NEK10: variants seen among roughly 807,000 people sequenced by gnomAD.
The protein encoded by NEK10 is serine/threonine-protein kinase Nek10.
In NEK10, 122 loss-of-function variants were observed where a neutral mutation model predicts 159.8. The ratio of observed to expected loss-of-function variants is 0.76; its 90% CI spans 0.66 to 0.89. NEK10 has a LOEUF of 0.89. Among genes scored for constraint, NEK10 ranks in the 40% least tolerant of loss-of-function variants. The pLI is 0.00. For missense variants in NEK10, 1,342 were observed against 1,323.1 expected, an observed-to-expected ratio of 1.01 and a Z score of -0.22; for synonymous variants, 466 against 457.1, an observed-to-expected ratio of 1.02 and a Z score of -0.25.
chr3:27,156,069 A>G lies in NEK10; in HGVS notation c.2869+6632T>C. Among the ~76,000 whole-genome samples the G allele has an allele frequency of 1.3e-5, 2 of 152,162 alleles. 1 individual carries two copies. The highest frequency in any genetic ancestry group is 4.1e-4 in the South Asian group (2 of 4,828). On this transcript the variant is annotated intron_variant, in intron 30 of 35. Coordinates refer to ENST00000691995, the MANE Select transcript of NEK10 (RefSeq NM_001394966.1). ...ACCCTTTTCAACAAATGGTGCTGGG[A>G]TAATTGGCTAGCCACAAGTAGGAAA... is the stretch of plus-strand genomic sequence containing the variant.
At chr3:27,116,162 G>A (rs765442430) in intron 33 of NEK10, 35 bp from the exon 34 acceptor site, 1 of 1,598,016 alleles carries the variant, frequency 6.3e-7, no homozygotes, top group Admixed American at 1.7e-5. Flanking sequence ...TCTGACATTT[G>A]GGTTCACATT....
intron 31 of NEK10, among the ~76,000 whole-genome samples, chr3:27,135,425 A>G (rs1286968435): frequency 6.6e-6 from 1 of 152,220 alleles, no homozygotes; most frequent in Non-Finnish European, 1.5e-5. Context: ...TTTTTACTAT[A>G]CTACACAAAG....
chr3:27,330,254 T>C (rs1346007052), intron 5 of NEK10, among the ~76,000 whole-genome samples: 2 of 152,212 alleles, frequency 1.3e-5, no homozygotes, highest in East Asian at 3.9e-4. Context: ...AGTTAGGTGA[T>C]GGGAAGAAGG....
At chr3:27,285,065 C>T in intron 20 of NEK10, 104 bp from the exon 21 acceptor site, 1 of 795,538 alleles carries the variant, frequency 1.3e-6, no homozygotes, top group South Asian at 1.9e-5. Context: ...GTGCGGGACA[C>T]TAACACTAAA....
intron 22 of NEK10, among the ~76,000 whole-genome samples, chr3:27,264,697 C>A (rs561281986): frequency 2.0e-5 from 3 of 152,070 alleles, no homozygotes; most frequent in Admixed American, 2.0e-4. Context: ...TTTGAGACCA[C>A]CCTGGCCAAC....
intron 1 of NEK10, among the ~76,000 whole-genome samples, chr3:27,359,985 A>G (rs550685597): frequency 6.6e-6 from 1 of 152,330 alleles, no homozygotes; most frequent in African/African-American, 2.4e-5. Context: ...GTCAAGTTAA[A>G]TTGGTCAAAT....
chr3:27,281,577 C>G (rs2042164220), intron 22 of NEK10, among the ~76,000 whole-genome samples: 1 of 151,864 alleles, frequency 6.6e-6, no homozygotes, highest in East Asian at 1.9e-4. Context: ...AATACCAGTC[C>G]AATAAGAGGG....
rs928064934 is a variant in NEK10 at position 27,108,704 on chromosome 3, T to G, written c.*2568A>C. ...AAGATTAAGAGGTCTATGAAGTTCA[T>G]GTAACAACTCCTTTGCACTAATAGA... On this transcript the variant is annotated 3_prime_UTR_variant, in exon 36 of 36. Coordinates refer to ENST00000691995, the MANE Select transcript of NEK10 (RefSeq NM_001394966.1). Among the ~76,000 whole-genome samples the G allele has an allele frequency of 6.6e-6, 1 of 152,242 alleles. No individual in the cohort carries two copies. The highest frequency in any genetic ancestry group is 1.5e-5 in the Non-Finnish European group (1 of 68,036).
rs116119758 is a variant in NEK10, at chr3:27,273,314, A to C, written c.2014+11288T>G. On this transcript the variant is annotated intron_variant, in intron 22 of 35. Transcript: ENST00000691995. ...CCATAAGCATCTTGGTGCCTTTCAAACATGTCTTTTTCGTTACCTGAAATG... is the reference window on the plus strand; with the variant it reads ...CCATAAGCATCTTGGTGCCTTTCAACCATGTCTTTTTCGTTACCTGAAATG... Among the ~76,000 whole-genome samples the C allele has an allele frequency of 8.8e-3, 1,334 of 152,260 alleles. 24 individuals are homozygous for C. Among genetic ancestry groups the C allele is most frequent in the African/African-American group, 0.03 (1,238 of 41,552 alleles).
chr3:27,144,554 T>C lies in NEK10; in HGVS notation c.2870-2972A>G, dbSNP rs553688888. On this transcript the variant is annotated intron_variant, in intron 30 of 35. Transcript: ENST00000691995. ...CATTTTTCTACACCTCGGTCAACAA[T>C]ATATATTATCAAACTTTTCCACTGT... Among the ~76,000 whole-genome samples the C allele has an allele frequency of 5.3e-5, 8 of 152,288 alleles. No homozygotes were observed. The East Asian group carries it at 1.5e-3, about 29-fold the overall frequency.
At chr3:27,260,211 T>A (rs1198144160) in intron 22 of NEK10, among the ~76,000 whole-genome samples, 1 of 152,198 alleles carries the variant, frequency 6.6e-6, no homozygotes, top group East Asian at 1.9e-4. Context: ...TACCCTTTAT[T>A]TCCTTCTCCT....
intron 24 of NEK10, among the ~76,000 whole-genome samples, chr3:27,201,858 C>G (rs1387791175): frequency 6.6e-6 from 1 of 151,990 alleles, no homozygotes; most frequent in Non-Finnish European, 1.5e-5. Context: ...GTCCAGACTG[C>G]AATTAAAAAT....
At chr3:27,112,456 T>G in intron 35 of NEK10, among the ~76,000 whole-genome samples, 1 of 152,192 alleles carries the variant, frequency 6.6e-6, no homozygotes, top group East Asian at 1.9e-4. Context: ...CTTAATTCAT[T>G]TAAGAACAAA....
chr3:27,263,481 G>A (rs924790253), intron 22 of NEK10, among the ~76,000 whole-genome samples: 11 of 152,100 alleles, frequency 7.2e-5, no homozygotes, highest in South Asian at 2.1e-4. Context: ...TGAGCTTCCC[G>A]GCTGCTTTGT....
At chr3:27,218,714 A>G (rs1048884914) in intron 23 of NEK10, among the ~76,000 whole-genome samples, 4 of 149,924 alleles carry the variant, frequency 2.7e-5, no homozygotes, top group African/African-American at 9.8e-5. Context: ...CAGGTAAAAC[A>G]TCATATTAAC....
In NEK10 at chr3:27,297,198, T is replaced by C. The variant is rs1463357950; in HGVS notation, c.1211A>G (p.Asn404Ser). ...ALTELVLNDT[N>S]AHQVVQENGV... ...TCTCACCTGAACCACCTGGTGGGCA[T>C]TGGTGTCATTGAGCACCAGCTCAGT... Residue 404 changes from asparagine to serine, a missense_variant, in exon 14 of 36, where the codon AAT (asparagine) becomes AGT (serine). Asn to Ser is a conservative substitution (Grantham distance 46). Coordinates refer to ENST00000691995, the MANE Select transcript of NEK10 (RefSeq NM_001394966.1). 6.2e-7 allele frequency: 1 copy of C among 1,612,908 alleles called. No homozygotes were observed. The highest frequency in any genetic ancestry group is 8.5e-7 in the Non-Finnish European group (1 of 1,179,038).
chr3:27,363,677 G>A (rs1378669476), intron 1 of NEK10: 1 of 152,160 alleles, frequency 6.6e-6, no homozygotes, highest in African/African-American at 2.4e-5. Flanking sequence ...TGATGTTAAA[G>A]ATGGACTACC....
intron 2 of NEK10, 62 bp downstream of exon 2, chr3:27,352,750 T>C: frequency 8.6e-7 from 1 of 1,160,614 alleles, no homozygotes; most frequent in Non-Finnish European, 1.3e-6. Flanking sequence ...CAAAAAGCCA[T>C]TAAATCTGTT....
intron 16 of NEK10, 21 bp from the exon 17 acceptor site, chr3:27,291,607 A>C (rs781355373): frequency 1.4e-5 from 18 of 1,311,046 alleles, no homozygotes; most frequent in Non-Finnish European, 1.8e-5. Context: ...TATTACACAC[A>C]CTTAAAGTAG....
Sources: gnomAD v4.1 joint callset for allele counts (sites outside exome capture counted in the v4.1 genomes callset) on GRCh38, gnomAD v4.1.1 for gene constraint, MANE v1.5 for transcripts, NCBI Gene and HGNC (gene_info 2026-07-23, HGNC 2026-07-21) for gene names.